The following WWOX variants were observed in gnomAD, a reference collection of about 807,000 sequenced individuals.
The protein encoded by WWOX is WW domain containing oxidoreductase.
WWOX carries 69 observed loss-of-function variants against 46.2 expected under a neutral mutation model. The ratio of observed to expected loss-of-function variants is 1.49; its 90% CI spans 1.23 to 1.82. The LOEUF (loss-of-function observed/expected upper bound fraction) is 1.82. Ranked by LOEUF, WWOX falls within the 40% of genes most tolerant of loss-of-function variation. The pLI is 0.00. For missense variants in WWOX, 919 were observed against 542.6 expected, an observed-to-expected ratio of 1.69 and a Z score of -6.89; for synonymous variants, 359 against 202.6, an observed-to-expected ratio of 1.77 and a Z score of -6.56.
intron 4 of WWOX, among the ~76,000 whole-genome samples, chr16:78,122,260 C>T (rs375307811): frequency 6.6e-5 from 10 of 152,270 alleles, no homozygotes; most frequent in African/African-American, 2.4e-4. Context: ...GGGCTACTGT[C>T]AGTGTGAACC....
At chr16:78,176,825 G>A (rs1390401548) in intron 5 of WWOX, among the ~76,000 whole-genome samples, 1 of 152,144 alleles carries the variant, frequency 6.6e-6, no homozygotes, top group African/African-American at 2.4e-5. Flanking sequence ...AAAAGGAAGG[G>A]GCAGGAAGGG....
chr16:78,967,119 A>G (rs2046376125), intron 8 of WWOX, among the ~76,000 whole-genome samples: 1 of 151,810 alleles, frequency 6.6e-6, no homozygotes, highest in Non-Finnish European at 1.5e-5. Flanking sequence ...GGGTTATCTG[A>G]TATGTGTTTC....
intron 8 of WWOX, among the ~76,000 whole-genome samples, chr16:78,731,046 T>C (rs531061635): frequency 1.3e-4 from 20 of 152,284 alleles, no homozygotes; most frequent in Non-Finnish European, 2.1e-4. Flanking sequence ...ACATTATGTT[T>C]AGTGTTGATT....
rs558249953 is a variant in WWOX at position 78,631,390 on chromosome 16, C to T, written c.1056+198638C>T. ...TTCCCCAAAACAGAACTCAAACTGA[C>T]GATCATCAAGATATTCCAGCTATGG... On this transcript the variant is annotated intron_variant, in intron 8 of 8. Transcript: ENST00000566780. Among the ~76,000 whole-genome samples the T allele has an allele frequency of 7.2e-5, 11 of 152,174 alleles. No individual in the cohort carries two copies. The South Asian group carries it at 1.2e-3, about 17-fold the overall frequency.
At chr16:78,728,804 C>G (rs1467264637) in intron 8 of WWOX, among the ~76,000 whole-genome samples, 2 of 152,282 alleles carry the variant, frequency 1.3e-5, no homozygotes, top group South Asian at 4.1e-4. Context: ...CACTCAGCTG[C>G]TAATATGCTA....
intron 5 of WWOX, among the ~76,000 whole-genome samples, chr16:78,209,332 T>C (rs1180008887): frequency 2.0e-5 from 3 of 152,208 alleles, no homozygotes; most frequent in Non-Finnish European, 4.4e-5. Flanking sequence ...ACTGATACTT[T>C]ATCCACTTCG....
Position 78,356,529 on chromosome 16 carries a change from G to A in WWOX, c.517-30331G>A, listed in dbSNP as rs532905619. ...ACCTCATCTCCAGTGCTCTGAATGT[G>A]GAGAGGTAGGTGCAGGGCAGTGGGA... On this transcript the variant is annotated intron_variant, in intron 5 of 8. Coordinates refer to ENST00000566780, the MANE Select transcript of WWOX (RefSeq NM_016373.4). Among the ~76,000 whole-genome samples, 3 of 152,254 alleles carry A rather than the reference G, an allele frequency of 2.0e-5. No individual in the cohort carries two copies. In the South Asian group the frequency reaches 6.2e-4, roughly 32 times the overall value.
intron 8 of WWOX, among the ~76,000 whole-genome samples, chr16:78,769,881 A>C (rs1233159727): frequency 7.2e-5 from 11 of 151,776 alleles, no homozygotes; most frequent in Admixed American, 7.2e-4. Context: ...AAAAATAAAA[A>C]TAAATAAAAA....
chr16:78,737,561 A>G (rs886883685), intron 8 of WWOX, among the ~76,000 whole-genome samples: 2 of 152,104 alleles, frequency 1.3e-5, no homozygotes, highest in African/African-American at 4.8e-5. Context: ...TGTAGCCAAT[A>G]TGTAGTCTTT....
intron 8 of WWOX, among the ~76,000 whole-genome samples, chr16:79,136,368 T>C (rs1020523679): frequency 3.3e-5 from 5 of 152,200 alleles, no homozygotes; most frequent in African/African-American, 1.2e-4. Context: ...GTAGCTGGGA[T>C]TACAGGCATG....
chr16:78,256,867 T>C (rs1453544629), intron 5 of WWOX, among the ~76,000 whole-genome samples: 1 of 152,042 alleles, frequency 6.6e-6, no homozygotes, highest in Non-Finnish European at 1.5e-5. Flanking sequence ...TCTATGTAAA[T>C]GTTGACCAAC....
intron 8 of WWOX, among the ~76,000 whole-genome samples, chr16:78,704,747 A>G (rs934114078): frequency 1.3e-5 from 2 of 152,130 alleles, no homozygotes; most frequent in African/African-American, 4.8e-5. Context: ...GAAATGCTCT[A>G]TTATTTTCTC....
chr16:78,561,600 G>GAA (rs986656109), intron 8 of WWOX, among the ~76,000 whole-genome samples: 19 of 142,366 alleles, frequency 1.3e-4, no homozygotes, highest in Admixed American at 1.1e-3. Flanking sequence ...TTGAATAACA[G>GAA]AAAAAAAAAA....
chr16:78,479,662 A>G (rs1157903265), intron 8 of WWOX, among the ~76,000 whole-genome samples: 1 of 152,200 alleles, frequency 6.6e-6, no homozygotes, highest in African/African-American at 2.4e-5. Context: ...ATTGACATGG[A>G]GGTTCATCTG....
chr16:78,925,006 G>C (rs1215125516), intron 8 of WWOX, among the ~76,000 whole-genome samples: 3 of 152,100 alleles, frequency 2.0e-5, no homozygotes, highest in African/African-American at 7.2e-5. Flanking sequence ...ACCAGCCTGG[G>C]CAACATGGCA....
intron 8 of WWOX, among the ~76,000 whole-genome samples, chr16:78,666,820 T>A (rs905291720): frequency 6.6e-5 from 10 of 152,192 alleles, no homozygotes; most frequent in Non-Finnish European, 1.3e-4. Flanking sequence ...GATAAAAGTT[T>A]ACATTTAATT....
chr16:78,495,385 C>T (rs1430240314), intron 8 of WWOX, among the ~76,000 whole-genome samples: 1 of 151,938 alleles, frequency 6.6e-6, no homozygotes, highest in African/African-American at 2.4e-5. Context: ...AGGTGATCTG[C>T]CCGCCTTGGC....
chr16:78,584,350 C>T (rs1468870099), intron 8 of WWOX, among the ~76,000 whole-genome samples: 1 of 152,136 alleles, frequency 6.6e-6, no homozygotes, highest in Admixed American at 6.5e-5. Flanking sequence ...TTTTGGAGAC[C>T]AAGCACTTGA....
intron 5 of WWOX, among the ~76,000 whole-genome samples, chr16:78,236,060 A>G (rs971061993): frequency 2.6e-5 from 4 of 152,160 alleles, no homozygotes; most frequent in African/African-American, 4.8e-5. Flanking sequence ...TTCCAATAAA[A>G]CTTTATTTAT....
Sources: allele counts gnomAD v4.1 joint callset (sites outside exome capture counted in the v4.1 genomes callset), GRCh38; gene constraint gnomAD v4.1.1; transcripts MANE v1.5; gene names NCBI Gene and HGNC (gene_info 2026-07-23, HGNC 2026-07-21).